ZC3H12B: variants seen among roughly 807,000 people sequenced by gnomAD.
ZC3H12B encodes probable ribonuclease ZC3H12B.
Under a neutral mutation model 43.9 loss-of-function variants are expected in ZC3H12B, and 7 were observed. The observed-to-expected ratio is 0.16, with a 90% CI of 0.09 to 0.30. The LOEUF (loss-of-function observed/expected upper bound fraction) is 0.30, where lower values mean the gene tolerates loss of function less well. ZC3H12B is among the 10% of genes least tolerant of loss of function. ZC3H12B has a pLI of 1.00. For synonymous variants in ZC3H12B, 222 were observed against 241.7 expected, an observed-to-expected ratio of 0.92 and a Z score of 0.76; for missense variants, 475 against 670.2, an observed-to-expected ratio of 0.71 and a Z score of 3.22.
chrX:65,224,158 G>C, the ZC3H12B span, among the ~76,000 whole-genome samples: 2 of 112,226 alleles, frequency 1.8e-5, no homozygotes, highest in Non-Finnish European at 3.8e-5. Flanking sequence ...ACAGCATCCT[G>C]GATGGAATTG....
chrX:65,099,310 C>G, the ZC3H12B span, among the ~76,000 whole-genome samples: 2 of 111,869 alleles, frequency 1.8e-5, no homozygotes, highest in African/African-American at 6.5e-5. Flanking sequence ...ATGTTCCTGC[C>G]TGCCAGCTCT....
chrX:65,250,468 G>A, the ZC3H12B span, among the ~76,000 whole-genome samples: 1 of 111,427 alleles, frequency 9.0e-6, no homozygotes, highest in Non-Finnish European at 1.9e-5. Flanking sequence ...GGGATGTCTG[G>A]GTCAAATGGC....
At chrX:65,167,330 T>A in the ZC3H12B span, among the ~76,000 whole-genome samples, 1 of 111,890 alleles carries the variant, frequency 8.9e-6, no homozygotes, top group African/African-American at 3.2e-5. Flanking sequence ...TTTTGTCAGG[T>A]TTGTCAAAGA....
At chrX:65,046,675 C>A in the ZC3H12B span, among the ~76,000 whole-genome samples, 1 of 111,536 alleles carries the variant, frequency 9.0e-6, no homozygotes, top group Non-Finnish European at 1.9e-5. Context: ...AGAACTTTTC[C>A]TTTACATTCA....
At chrX:65,472,397 TTTG>T (rs201702104) in intron 3 of ZC3H12B, among the ~76,000 whole-genome samples, 26 of 89,148 alleles carry the variant, frequency 2.9e-4, no homozygotes, top group African/African-American at 2.2e-3. Flanking sequence ...TTTTGTTTTT[TTTG>T]TTTGTTTGTT....
At chrX:65,212,663 T>C in the ZC3H12B span, among the ~76,000 whole-genome samples, 1 of 87,978 alleles carries the variant, frequency 1.1e-5, no homozygotes, top group Admixed American at 1.5e-4. Flanking sequence ...ATATTATATA[T>C]AAATATATAT....
At chrX:65,307,108 C>T in the ZC3H12B span, among the ~76,000 whole-genome samples, 1 of 112,251 alleles carries the variant, frequency 8.9e-6, no homozygotes, top group South Asian at 3.6e-4. Flanking sequence ...TCTAGGCATA[C>T]ACATATGTGA....
chrX:65,211,563 T>G, the ZC3H12B span, among the ~76,000 whole-genome samples: 1 of 102,616 alleles, frequency 9.7e-6, no homozygotes, highest in Non-Finnish European at 2.0e-5. Context: ...TTAATTAACT[T>G]GCTCAAAGTC....
At chrX:65,398,046 T>C (rs1351380620) in intron 2 of ZC3H12B, among the ~76,000 whole-genome samples, 1 of 111,588 alleles carries the variant, frequency 9.0e-6, no homozygotes, top group African/African-American at 3.3e-5. Context: ...ACAAATAAAA[T>C]AAAATACATA....
intron 1 of ZC3H12B, among the ~76,000 whole-genome samples, chrX:65,367,577 A>AT (rs747738238): frequency 4.8e-4 from 52 of 108,627 alleles, no homozygotes; most frequent in Admixed American, 1.4e-3. Flanking sequence ...ATTTTAACTG[A>AT]TTTTTTTTTT....
the ZC3H12B span, among the ~76,000 whole-genome samples, chrX:65,121,292 G>T: frequency 9.0e-6 from 1 of 110,981 alleles, no homozygotes; most frequent in African/African-American, 3.3e-5. Flanking sequence ...GAGTTTTTTT[G>T]GTTGGTAAGG....
At chrX:65,277,824 C>A in the ZC3H12B span, among the ~76,000 whole-genome samples, 1 of 110,394 alleles carries the variant, frequency 9.1e-6, no homozygotes, top group Non-Finnish European at 1.9e-5. Flanking sequence ...CAAAAGTAAA[C>A]AAAATCCAAA....
the ZC3H12B span, among the ~76,000 whole-genome samples, chrX:65,117,256 C>A: frequency 8.9e-6 from 1 of 111,925 alleles, no homozygotes; most frequent in African/African-American, 3.2e-5. Flanking sequence ...GCCATTCTAA[C>A]TGGTGTGAGA....
At chrX:65,302,356 C>A in the ZC3H12B span, among the ~76,000 whole-genome samples, 1 of 111,254 alleles carries the variant, frequency 9.0e-6, no homozygotes, top group Non-Finnish European at 1.9e-5. Context: ...AAGTCAATTG[C>A]TTTCCTACAT....
At chrX:65,043,297 TAAA>T in the ZC3H12B span, among the ~76,000 whole-genome samples, 1 of 110,031 alleles carries the variant, frequency 9.1e-6, no homozygotes. Flanking sequence ...GTATGTTTCT[TAAA>T]AAAAAGCAAA....
chrX:65,436,104 G>A (rs764866041), intron 3 of ZC3H12B, among the ~76,000 whole-genome samples: 3 of 112,452 alleles, frequency 2.7e-5, no homozygotes, highest in Admixed American at 9.4e-5. Context: ...AGAAGCCAAG[G>A]GGAAGCTAGC....
At chrX:65,287,652 T>C in the ZC3H12B span, among the ~76,000 whole-genome samples, 1 of 110,703 alleles carries the variant, frequency 9.0e-6, no homozygotes, top group Non-Finnish European at 1.9e-5. Context: ...ATCTGTGAGA[T>C]ACATCGAAAG....
At chrX:65,341,585 C>A in the ZC3H12B span, among the ~76,000 whole-genome samples, 1 of 111,155 alleles carries the variant, frequency 9.0e-6, no homozygotes, top group Admixed American at 9.6e-5. Flanking sequence ...AAATTTCATC[C>A]AAGAATTTCA....
the ZC3H12B span, among the ~76,000 whole-genome samples, chrX:65,247,953 T>A: frequency 1.8e-5 from 2 of 112,418 alleles, no homozygotes; most frequent in African/African-American, 3.2e-5. Context: ...TAAAAACTTA[T>A]AATAAAAGGC....
Sources: gnomAD v4.1 joint callset for allele counts (sites outside exome capture counted in the v4.1 genomes callset) on GRCh38, gnomAD v4.1.1 for gene constraint, MANE v1.5 for transcripts, NCBI Gene and HGNC (gene_info 2026-07-23, HGNC 2026-07-21) for gene names.